PDHX: variants seen among roughly 807,000 people sequenced by gnomAD.
The protein encoded by PDHX is pyruvate dehydrogenase complex component X.
In PDHX, 33 loss-of-function variants were observed where a neutral mutation model predicts 55.3. The ratio of observed to expected loss-of-function variants is 0.60; its 90% CI spans 0.45 to 0.80. The LOEUF is 0.80. PDHX is among the 30% of genes least tolerant of loss of function. PDHX has a pLI of 0.00. For synonymous variants in PDHX, 226 were observed against 219.4 expected, an observed-to-expected ratio of 1.03 and a Z score of -0.27; for missense variants, 622 against 619.9, an observed-to-expected ratio of 1.00 and a Z score of -0.04.
intron 5 of PDHX, among the ~76,000 whole-genome samples, chr11:34,965,883 A>G (rs1855119727): frequency 6.6e-6 from 1 of 152,184 alleles, no homozygotes; most frequent in Non-Finnish European, 1.5e-5. Context: ...CAAAATACTT[A>G]TTGGATATTA....
intron 7 of PDHX, 82 bp downstream of exon 7, chr11:34,970,368 A>C: frequency 8.7e-7 from 1 of 1,143,106 alleles, no homozygotes; most frequent in Non-Finnish European, 1.3e-6. Context: ...ATAAAATTAA[A>C]AGCTACATTG....
At chr11:34,943,830 A>G (rs1424005963) in intron 2 of PDHX, among the ~76,000 whole-genome samples, 1 of 152,080 alleles carries the variant, frequency 6.6e-6, no homozygotes, top group African/African-American at 2.4e-5. Flanking sequence ...ATAGGTGGTC[A>G]TTGTATTCTA....
Position 34,995,208 on chromosome 11 carries a change from G to A in PDHX, c.*36G>A. ...TAAGAAGTTGGTGTTCAGCTTAGTT[G>A]ATTCAGTAGTTGTTACCAAGAAACA... On this transcript the variant is annotated 3_prime_UTR_variant, in exon 11 of 11. Transcript: ENST00000227868. The A allele has an allele frequency of 6.2e-7, 1 of 1,608,870 alleles. No individual in the cohort carries two copies. The highest frequency in any genetic ancestry group is 1.1e-5 in the South Asian group (1 of 90,426).
chr11:34,988,320 A>G (rs1855694238), intron 9 of PDHX, among the ~76,000 whole-genome samples: 1 of 152,184 alleles, frequency 6.6e-6, no homozygotes, highest in Admixed American at 6.5e-5. Flanking sequence ...CACCCTATCA[A>G]GTACAAGATA....
intron 3 of PDHX, 94 bp downstream of exon 3, chr11:34,947,700 T>A: frequency 1.2e-6 from 1 of 834,612 alleles, no homozygotes. Flanking sequence ...TGCCTCCTTA[T>A]TTTTAATGTG....
chr11:34,995,075 C>A lies in PDHX; in HGVS notation c.1409C>A (p.Thr470Lys), dbSNP rs757248125. The A allele has an allele frequency of 1.9e-6, 3 of 1,614,048 alleles. No homozygotes were observed. In the East Asian group the frequency reaches 6.7e-5, roughly 36 times the overall value. ...KLQQRQLITV[T>K]MSSDSRVVDD... is the part of the protein sequence containing the mutation. ...CAGCAGCGCCAGCTCATAACAGTCA[C>A]AATGTCAAGTGACAGTCGAGTGGTT... The change falls in exon 11 of 11, where the codon ACA becomes AAA. Residue 470 changes from threonine (T) to lysine (K), a missense_variant. Thr to Lys is a moderately conservative substitution (Grantham distance 78). Transcript: ENST00000227868.
At chr11:34,964,233 C>A (rs1855080381) in intron 5 of PDHX, among the ~76,000 whole-genome samples, 1 of 152,092 alleles carries the variant, frequency 6.6e-6, no homozygotes, top group South Asian at 2.1e-4. Flanking sequence ...CATTTTCTGC[C>A]TCACAAAAAA....
chr11:34,989,525 T>C (rs536132667), intron 9 of PDHX, among the ~76,000 whole-genome samples: 2 of 151,852 alleles, frequency 1.3e-5, no homozygotes, highest in East Asian at 3.9e-4. Context: ...AAACCAAGGC[T>C]CTCTACCTGG....
chr11:34,922,568 G>A (rs184494294), intron 1 of PDHX, among the ~76,000 whole-genome samples: 52 of 152,198 alleles, frequency 3.4e-4, no homozygotes, highest in East Asian at 2.9e-3. Flanking sequence ...AAAGTTCACC[G>A]TGTGTACATC....
At chr11:34,928,906 C>T (rs1057513204) in intron 1 of PDHX, among the ~76,000 whole-genome samples, 11 of 152,054 alleles carry the variant, frequency 7.2e-5, no homozygotes, top group Non-Finnish European at 1.5e-4. Flanking sequence ...TATTTTTTAC[C>T]TATTTAATAT....
chr11:34,966,631 T>TTTCCAGGGATGCTCTC lies in PDHX; in HGVS notation c.642-9_642-8insTTCCAGGGATGCTCTC. ...TAATTATGGTTATCTACTTTGCTCT[T>TTTCCAGGGATGCTCTC]ATTTCCAGGGATGCTCTCAAACTTG... On this transcript the variant is annotated splice_polypyrimidine_tract_variant and intron_variant, in intron 5 of 10. Transcript: ENST00000227868. 6.2e-7 allele frequency: 1 copy of TTTCCAGGGATGCTCTC among 1,613,986 alleles called. No individual in the cohort carries two copies. Among genetic ancestry groups the TTTCCAGGGATGCTCTC allele is most frequent in the African/African-American group, 1.3e-5 (1 of 75,022 alleles).
chr11:34,984,548 A>G, intron 8 of PDHX, 22 bp from the exon 9 acceptor site: 2 of 1,612,708 alleles, frequency 1.2e-6, no homozygotes, highest in African/African-American at 1.3e-5. Context: ...TTTTAGTAAC[A>G]TTTTTCTTTT....
intron 2 of PDHX, among the ~76,000 whole-genome samples, chr11:34,939,607 A>G (rs549030781): frequency 2.0e-5 from 3 of 152,306 alleles, no homozygotes; most frequent in Admixed American, 6.5e-5. Context: ...CTCCTCTGCC[A>G]TGAACTACCT....
chr11:34,960,587 A>G, intron 5 of PDHX, 69 bp downstream of exon 5: 1 of 968,236 alleles, frequency 1.0e-6, no homozygotes, highest in Non-Finnish European at 1.6e-6. Flanking sequence ...GAAAGAAAAT[A>G]AAAAGAGCTT....
intron 9 of PDHX, among the ~76,000 whole-genome samples, chr11:34,989,068 C>T (rs1855707844): frequency 1.3e-5 from 2 of 152,184 alleles, no homozygotes; most frequent in South Asian, 4.1e-4. Flanking sequence ...TGTGCTTACA[C>T]AAACCTAGAT....
chr11:34,991,847 T>C (rs946675100), intron 9 of PDHX, among the ~76,000 whole-genome samples: 3 of 147,080 alleles, frequency 2.0e-5, no homozygotes, highest in African/African-American at 7.7e-5. Context: ...GAGATGGAGG[T>C]TGCAATAGGC....
At chr11:34,988,171 C>T (rs1015263541) in intron 9 of PDHX, among the ~76,000 whole-genome samples, 1 of 152,052 alleles carries the variant, frequency 6.6e-6, no homozygotes, top group African/African-American at 2.4e-5. Flanking sequence ...TATTTGTAAT[C>T]CTCTTGTTTA....
chr11:34,917,107 C>T (rs1022361781), intron 1 of PDHX, among the ~76,000 whole-genome samples: 24 of 152,150 alleles, frequency 1.6e-4, no homozygotes, highest in Admixed American at 1.3e-3. Flanking sequence ...CCAAACTCTC[C>T]TCCCTCAGCC....
intron 5 of PDHX, among the ~76,000 whole-genome samples, chr11:34,962,345 C>G (rs1331362342): frequency 6.6e-6 from 1 of 152,146 alleles, no homozygotes; most frequent in Non-Finnish European, 1.5e-5. Context: ...GTCCAGAAGC[C>G]TTTGCAGATT....
Sources: allele counts gnomAD v4.1 joint callset (sites outside exome capture counted in the v4.1 genomes callset), GRCh38; gene constraint gnomAD v4.1.1; transcripts MANE v1.5; gene names NCBI Gene and HGNC (gene_info 2026-07-23, HGNC 2026-07-21).